CCDC171: variants seen among roughly 807,000 people sequenced by gnomAD.
CCDC171 encodes the protein coiled-coil domain-containing protein 171.
A neutral mutation model predicts 168.2 loss-of-function variants in CCDC171; 177 were observed. The ratio of observed to expected loss-of-function variants is 1.05; its 90% CI spans 0.93 to 1.19. CCDC171 has a LOEUF of 1.19. Among genes scored for constraint, CCDC171 ranks in the 50% most tolerant of loss-of-function variants. CCDC171 has a pLI of 0.00. For missense variants in CCDC171, 1,991 were observed against 1,539.0 expected (o/e 1.29, Z -4.91); for synonymous variants, 687 against 540.8 (o/e 1.27, Z -3.75).
At chr9:15,692,685 G>A (rs2050898176) in intron 10 of CCDC171, among the ~76,000 whole-genome samples, 1 of 151,330 alleles carries the variant, frequency 6.6e-6, no homozygotes, top group Non-Finnish European at 1.5e-5. Flanking sequence ...CCGCCACCAT[G>A]CCCAGCTAAT....
the CCDC171 span, among the ~76,000 whole-genome samples, chr9:16,105,947 C>T: frequency 5.9e-5 from 9 of 152,334 alleles, no homozygotes; most frequent in East Asian, 1.4e-3. Context: ...AGGCCACTGG[C>T]AGGCAGGGCA....
intron 7 of CCDC171, among the ~76,000 whole-genome samples, chr9:15,624,811 C>G (rs927583098): frequency 2.0e-5 from 3 of 152,094 alleles, no homozygotes; most frequent in Non-Finnish European, 4.4e-5. Flanking sequence ...GATTTATAAT[C>G]CTTTGGGTAT....
At chr9:15,999,282 G>A (rs184671051) in intron 3 of CCDC171, among the ~76,000 whole-genome samples, 31 of 145,822 alleles carry the variant, frequency 2.1e-4, no homozygotes, top group African/African-American at 7.2e-4. Context: ...AAGAAAGAAA[G>A]GAGGGAGGGA....
intron 10 of CCDC171, among the ~76,000 whole-genome samples, chr9:15,680,634 G>A (rs2049975827): frequency 6.6e-6 from 1 of 152,130 alleles, no homozygotes; most frequent in South Asian, 2.1e-4. Context: ...AAATCAGTTT[G>A]CAGTTTGGTA....
chr9:15,672,205 T>A (rs2049169762), intron 9 of CCDC171, among the ~76,000 whole-genome samples: 1 of 152,208 alleles, frequency 6.6e-6, no homozygotes, highest in East Asian at 1.9e-4. Context: ...TTGTTTGTTT[T>A]TTTCTTGTAA....
intron 16 of CCDC171, among the ~76,000 whole-genome samples, chr9:15,740,239 C>A (rs1588225720): frequency 6.6e-6 from 1 of 152,054 alleles, no homozygotes; most frequent in East Asian, 1.9e-4. Flanking sequence ...AGGTATAGAT[C>A]AACTTTTATA....
intron 21 of CCDC171, among the ~76,000 whole-genome samples, chr9:15,825,406 A>G (rs980785832): frequency 5.6e-4 from 85 of 152,294 alleles, no homozygotes; most frequent in Middle Eastern, 3.4e-3. Context: ...TGTAACCACT[A>G]TAAAGTGGAT....
intron 6 of CCDC171, among the ~76,000 whole-genome samples, chr9:16,028,958 G>A (rs1040633085): frequency 1.1e-4 from 17 of 152,100 alleles, no homozygotes; most frequent in African/African-American, 3.6e-4. Context: ...TCCAGCCTCT[G>A]CCGGTGCCTT....
chr9:15,968,577 G>C (rs771963998), intron 25 of CCDC171, among the ~76,000 whole-genome samples: 3 of 113,394 alleles, frequency 2.6e-5, no homozygotes, highest in Non-Finnish European at 5.0e-5. Context: ...GTCTTGCTCT[G>C]TTGCCCAGGC....
intron 7 of CCDC171, among the ~76,000 whole-genome samples, chr9:15,638,617 T>G (rs2046371139): frequency 6.6e-6 from 1 of 152,056 alleles, no homozygotes. Flanking sequence ...AACAGTTGCA[T>G]TTCTTGAAAG....
intron 11 of CCDC171, among the ~76,000 whole-genome samples, chr9:15,710,876 C>T (rs28410434): frequency 0.45 from 68,913 of 151,748 alleles, 15,963 homozygotes; most frequent in Non-Finnish European, 0.51. Context: ...AGATTACAGG[C>T]GTGAGCCACC....
At chr9:15,590,460 G>C (rs1394213370) in intron 4 of CCDC171, among the ~76,000 whole-genome samples, 1 of 152,222 alleles carries the variant, frequency 6.6e-6, no homozygotes, top group Non-Finnish European at 1.5e-5. Context: ...GATGGAGCCA[G>C]ACCTGGAAGC....
chr9:15,663,373 A>C (rs1446549995), intron 8 of CCDC171, among the ~76,000 whole-genome samples: 2 of 152,166 alleles, frequency 1.3e-5, no homozygotes, highest in Non-Finnish European at 1.5e-5. Flanking sequence ...GAAAAGGTAA[A>C]CTATCTACAG....
downstream of CCDC171, among the ~76,000 whole-genome samples, chr9:15,976,215 C>T (rs545935733): frequency 6.6e-6 from 1 of 152,150 alleles, no homozygotes; most frequent in Non-Finnish European, 1.5e-5. Context: ...GAAACTAATA[C>T]ACCAGTAAAC....
At chr9:15,980,496 G>T (rs561761779) in intron 3 of CCDC171, among the ~76,000 whole-genome samples, 2 of 152,088 alleles carry the variant, frequency 1.3e-5, no homozygotes, top group Admixed American at 6.5e-5. Flanking sequence ...CTGCATGTAT[G>T]GCCTCTCTGC....
At chr9:16,044,877 T>C (rs1203074438) in intron 1 of CCDC171, among the ~76,000 whole-genome samples, 1 of 152,208 alleles carries the variant, frequency 6.6e-6, no homozygotes, top group East Asian at 1.9e-4. Flanking sequence ...CTCCTTCTTG[T>C]TGCCAATTTG....
chr9:15,905,763 G>T (rs1217874952), intron 24 of CCDC171, among the ~76,000 whole-genome samples: 1 of 152,078 alleles, frequency 6.6e-6, no homozygotes, highest in East Asian at 1.9e-4. Flanking sequence ...CAACCAGATT[G>T]ATAGACTGCT....
At chr9:16,019,281 G>A (rs556754595) in intron 3 of CCDC171, among the ~76,000 whole-genome samples, 19 of 152,274 alleles carry the variant, frequency 1.2e-4, no homozygotes, top group East Asian at 5.8e-4. Flanking sequence ...GCCAAGTTCC[G>A]CTAGGTTTAT....
chr9:16,035,090 A>T (rs1833438296), intron 6 of CCDC171, among the ~76,000 whole-genome samples: 1 of 152,208 alleles, frequency 6.6e-6, no homozygotes, highest in African/African-American at 2.4e-5. Context: ...AAGAAAACTT[A>T]GGTAAAGCAG....
Sources: gnomAD v4.1 joint callset for allele counts (sites outside exome capture counted in the v4.1 genomes callset) on GRCh38, gnomAD v4.1.1 for gene constraint, MANE v1.5 for transcripts, NCBI Gene and HGNC (gene_info 2026-07-23, HGNC 2026-07-21) for gene names.